TIMP2: variants seen among roughly 807,000 people sequenced by gnomAD.
TIMP2 encodes the protein metalloproteinase inhibitor 2.
Under a neutral mutation model 24.3 loss-of-function variants are expected in TIMP2, and 5 were observed. The observed-to-expected ratio is 0.21, with a 90% confidence interval of 0.11 to 0.43. TIMP2 has a LOEUF of 0.43. Ranked by LOEUF, TIMP2 falls within the 20% of genes least tolerant of loss-of-function variation. TIMP2 has a pLI of 1.00. For missense variants in TIMP2, 221 were observed against 297.5 expected (o/e 0.74, Z 1.89); for synonymous variants, 130 against 123.2 (o/e 1.06, Z -0.37).
chr17:78,876,375 A>G (rs548016063), intron 1 of TIMP2, among the ~76,000 whole-genome samples: 66 of 151,700 alleles, frequency 4.4e-4, no homozygotes, highest in Non-Finnish European at 9.0e-4. Context: ...TTTTAGACAG[A>G]GTCTTGCTCT....
At chr17:78,904,349 T>C (rs957445711) in intron 1 of TIMP2, 4 of 151,780 alleles carry the variant, frequency 2.6e-5, no homozygotes, top group African/African-American at 7.3e-5. Flanking sequence ...ATGATTTGGG[T>C]CCGAAGAAGT....
chr17:78,893,132 G>A (rs2069929453), intron 1 of TIMP2, among the ~76,000 whole-genome samples: 1 of 148,080 alleles, frequency 6.8e-6, no homozygotes, highest in Non-Finnish European at 1.5e-5. Flanking sequence ...TGTGTGCAGG[G>A]GTGTGTGTGC....
In TIMP2 at chr17:78,897,132, A is replaced by T. The variant is rs572148239; in HGVS notation, c.131-23213T>A. On this transcript the variant is annotated intron_variant, in intron 1 of 4. Coordinates refer to ENST00000262768, the MANE Select transcript of TIMP2 (RefSeq NM_003255.5). ...CCCGCCGGCCTCCTCACCCCCTCCG[A>T]AGGAGACTCCAGGCCTGCTGTGCAC... 1.1e-4 allele frequency: 35 copies of T among 322,920 alleles called. No homozygotes were observed. In the East Asian group the frequency reaches 3.1e-3, roughly 28 times the overall value. The allele number at this position is 322,920 out of a possible 1,614,324, so 20.0% of individuals were successfully genotyped here. A position where few individuals can be genotyped will look rare whatever the true frequency, so the allele number is the denominator to read the frequency against.
intron 3 of TIMP2, among the ~76,000 whole-genome samples, chr17:78,861,838 AG>A (rs2069569486): frequency 6.6e-6 from 1 of 152,100 alleles, no homozygotes; most frequent in South Asian, 2.1e-4. Flanking sequence ...CCTGACTTCA[AG>A]TGATCCACTG....
chr17:78,864,308 C>G (rs910611627), intron 3 of TIMP2, among the ~76,000 whole-genome samples: 3 of 151,516 alleles, frequency 2.0e-5, no homozygotes, highest in African/African-American at 7.3e-5. Flanking sequence ...CTGCCTCTCT[C>G]CCTCTCTCCC....
At chr17:78,885,185 A>T (rs1432661115) in intron 1 of TIMP2, among the ~76,000 whole-genome samples, 1 of 152,248 alleles carries the variant, frequency 6.6e-6, no homozygotes, top group African/African-American at 2.4e-5. Context: ...TGGTTTGGGG[A>T]GAAGGACCCA....
rs539597735 is a variant in TIMP2 at position 78,870,796 on chromosome 17, C to T, written c.340+102G>A. 41 of 948,804 alleles carry T rather than the reference C, an allele frequency of 4.3e-5. No individual in the cohort carries two copies. In the South Asian group the frequency reaches 4.9e-4, roughly 11 times the overall value. The allele number at this position is 948,804 out of a possible 1,614,324, so 58.8% of individuals were successfully genotyped here. On this transcript the variant is annotated intron_variant, in intron 3 of 4. Coordinates refer to ENST00000262768, the MANE Select transcript of TIMP2 (RefSeq NM_003255.5). ...CTGCCTCACTGTTCCTCAGCTACTC[C>T]GCCTCCCCACCCCCCGAGCCTGGGA...
chr17:78,883,931 GGCTCGGCCCTTCCCATTCACGT>G (rs1393359347), intron 1 of TIMP2, among the ~76,000 whole-genome samples: 1 of 152,188 alleles, frequency 6.6e-6, no homozygotes, highest in African/African-American at 2.4e-5. Flanking sequence ...CAGAGCCTCC[GGCTCGGCCCTTCCCATTCACGT>G]GCTGCTGAAT....
chr17:78,859,570 G>A (rs890304992), intron 3 of TIMP2, among the ~76,000 whole-genome samples: 2 of 152,190 alleles, frequency 1.3e-5, no homozygotes, highest in African/African-American at 4.8e-5. Context: ...GACTGAGGCA[G>A]GAGGATCGCT....
At chr17:78,868,752 C>T (rs971345828) in intron 3 of TIMP2, among the ~76,000 whole-genome samples, 2 of 152,116 alleles carry the variant, frequency 1.3e-5, no homozygotes, top group Non-Finnish European at 2.9e-5. Flanking sequence ...AGCCATATCT[C>T]GGGTGCTCAT....
intron 1 of TIMP2, chr17:78,890,680 T>C: frequency 6.4e-7 from 1 of 1,550,564 alleles, no homozygotes; most frequent in Non-Finnish European, 8.7e-7. Context: ...TCCGGGCTTC[T>C]TCAAGAAACT....
chr17:78,891,625 G>A lies in TIMP2; in HGVS notation c.131-17706C>T, dbSNP rs2069896610. The A allele has an allele frequency of 4.5e-6, 7 of 1,550,770 alleles. No homozygotes were observed. The highest frequency in any genetic ancestry group is 1.4e-5 in the African/African-American group (1 of 73,026). On this transcript the variant is annotated intron_variant, in intron 1 of 4. Coordinates refer to ENST00000262768, the MANE Select transcript of TIMP2 (RefSeq NM_003255.5). This position sits in a 1 kb window ranked among gnomAD's most constrained non-coding sequence, Gnocchi z 4.5. ...CCAGACTCTGTCCCTGAGAGCGACT[G>A]GTCAGGGCTGGAACAAAGCAAACTG...
intron 1 of TIMP2, chr17:78,898,313 G>A (rs1294792064): frequency 6.6e-6 from 1 of 152,278 alleles, no homozygotes; most frequent in Non-Finnish European, 1.5e-5. Flanking sequence ...TCGTAATCAG[G>A]GCAGCAGGGA....
In TIMP2 at chr17:78,891,909, C is replaced by A. The variant is rs867893339; in HGVS notation, c.131-17990G>T. On this transcript the variant is annotated intron_variant, in intron 1 of 4. Coordinates refer to ENST00000262768, the MANE Select transcript of TIMP2 (RefSeq NM_003255.5). The surrounding 1 kb of genome is among the most constrained non-coding windows in gnomAD (Gnocchi z 4.5). ...GTAGTCTGTGGTTTCTCTGGACTCG[C>A]TGCTGTCTTCCGGGGCCTGGAGTGC... 6.4e-7 allele frequency: 1 copy of A among 1,550,610 alleles called. No homozygotes were observed. Among genetic ancestry groups the A allele is most frequent in the African/African-American group, 1.4e-5 (1 of 73,182 alleles).
At chr17:78,866,263 G>A (rs117314863) in intron 3 of TIMP2, among the ~76,000 whole-genome samples, 1,952 of 152,194 alleles carry the variant, frequency 0.013, 17 homozygotes, top group Non-Finnish European at 0.022. Flanking sequence ...TCTGCCACGC[G>A]CCACCGTGCG....
At chr17:78,883,346 C>T (rs1051154284) in intron 1 of TIMP2, among the ~76,000 whole-genome samples, 1 of 152,224 alleles carries the variant, frequency 6.6e-6, no homozygotes, top group Non-Finnish European at 1.5e-5. Context: ...GGTCCACCCT[C>T]AGTGGTGACT....
intron 1 of TIMP2, among the ~76,000 whole-genome samples, chr17:78,893,498 C>A (rs958051795): frequency 7.5e-6 from 1 of 133,666 alleles, no homozygotes; most frequent in East Asian, 2.2e-4. Context: ...GGGGTGTGTG[C>A]GCGCAGGGGT....
At chr17:78,881,045 C>T (rs1310602735) in intron 1 of TIMP2, among the ~76,000 whole-genome samples, 1 of 152,244 alleles carries the variant, frequency 6.6e-6, no homozygotes, top group African/African-American at 2.4e-5. Flanking sequence ...CCTGTCTGCC[C>T]AGACGAGGTG....
rs1429067774 is a variant in TIMP2, at chr17:78,924,090, G to A, written c.130+869C>T. ...ACCAGGGTGGAAACTTCGAGCCAGC[G>A]GGTTCCTCCCATTTCTGCTGGTCCT... is the stretch of plus-strand genomic sequence containing the variant. On this transcript the variant is annotated intron_variant, in intron 1 of 4. Transcript: ENST00000262768. This position sits in a 1 kb window ranked among gnomAD's most constrained non-coding sequence, Gnocchi z 5.3. Among the ~76,000 whole-genome samples the A allele has an allele frequency of 6.6e-6, 1 of 152,160 alleles. No homozygotes were observed. The highest frequency in any genetic ancestry group is 2.4e-5 in the African/African-American group (1 of 41,448).
Sources: gnomAD v4.1 joint callset for allele counts (sites outside exome capture counted in the v4.1 genomes callset) on GRCh38, gnomAD v4.1.1 for gene constraint, Gnocchi (gnomAD v3.1) non-coding constraint, MANE v1.5 for transcripts, NCBI Gene and HGNC (gene_info 2026-07-23, HGNC 2026-07-21) for gene names.